Variants in CMIP observed in about 807,000 individuals in gnomAD.
The protein encoded by CMIP is c-Maf inducing protein, also known as C-Maf-inducing protein.
A neutral mutation model predicts 97.3 loss-of-function variants in CMIP; 13 were observed. That is an observed-to-expected ratio of 0.13 (90% confidence interval 0.09 to 0.21). CMIP has a LOEUF of 0.21. CMIP is among the 10% of genes least tolerant of loss of function. The pLI is 1.00. For synonymous variants in CMIP, 538 were observed against 436.3 expected (o/e 1.23, Z -2.91); for missense variants, 847 against 1,024.9 (o/e 0.83, Z 2.37).
chr16:81,584,351 A>G (rs1033085615), intron 1 of CMIP, among the ~76,000 whole-genome samples: 2 of 152,214 alleles, frequency 1.3e-5, no homozygotes, highest in Admixed American at 6.5e-5. Context: ...CACTCCGTAA[A>G]TATTTGATGA....
chr16:81,518,033 G>C, intron 1 of CMIP: 1 of 366,716 alleles, frequency 2.7e-6, no homozygotes, highest in South Asian at 1.1e-4. Flanking sequence ...ATGGTTAATT[G>C]TGTGTGTGTG....
At chr16:81,555,730 G>A (rs948492308) in intron 1 of CMIP, among the ~76,000 whole-genome samples, 10 of 152,160 alleles carry the variant, frequency 6.6e-5, no homozygotes, top group Admixed American at 1.3e-4. Context: ...AAGGAGAAAC[G>A]TCCCCACCTA....
intron 4 of CMIP, among the ~76,000 whole-genome samples, chr16:81,656,426 T>C (rs2092482721): frequency 6.6e-6 from 1 of 152,204 alleles, no homozygotes; most frequent in African/African-American, 2.4e-5. Context: ...TGTGGCTCTT[T>C]TAGGAAATAC....
chr16:81,620,420 C>G (rs187667559), intron 2 of CMIP: 59 of 156,588 alleles, frequency 3.8e-4, no homozygotes, highest in African/African-American at 1.4e-3. Flanking sequence ...TAGGTGCCAC[C>G]TCATAGGGCT....
At chr16:81,675,403 G>A (rs1226338472) in intron 9 of CMIP, among the ~76,000 whole-genome samples, 1 of 141,244 alleles carries the variant, frequency 7.1e-6, no homozygotes, top group African/African-American at 2.7e-5. Flanking sequence ...ATTTTTAGTA[G>A]AGATGGGGTT....
intron 18 of CMIP, 51 bp from the exon 19 acceptor site, chr16:81,705,448 C>T (rs1908023069): frequency 1.5e-6 from 2 of 1,329,842 alleles, no homozygotes; most frequent in African/African-American, 1.4e-5. Flanking sequence ...GCCTCAGAGT[C>T]ACTTCCCCAG....
intron 1 of CMIP, among the ~76,000 whole-genome samples, chr16:81,577,264 A>G (rs111171276): frequency 0.014 from 1,954 of 137,834 alleles, 9 homozygotes; most frequent in African/African-American, 0.042. Flanking sequence ...CACTATCACC[A>G]TCACCACCAT....
intron 9 of CMIP, among the ~76,000 whole-genome samples, chr16:81,672,514 G>C (rs2092692177): frequency 6.6e-6 from 1 of 152,168 alleles, no homozygotes; most frequent in African/African-American, 2.4e-5. Context: ...TGACAGTAAG[G>C]TTTATCCTGT....
intron 10 of CMIP, among the ~76,000 whole-genome samples, chr16:81,679,317 A>G (rs1346592802): frequency 6.6e-6 from 1 of 151,848 alleles, no homozygotes. Context: ...CACTTGGGCT[A>G]GTTTTGTGCA....
At chr16:81,642,810 C>T (rs946927017) in intron 3 of CMIP, among the ~76,000 whole-genome samples, 7 of 152,066 alleles carry the variant, frequency 4.6e-5, no homozygotes, top group South Asian at 2.1e-4. Flanking sequence ...GCAGGAGAAT[C>T]GCTTGAACCC....
At chr16:81,542,873 G>T (rs2090474435) in intron 1 of CMIP, among the ~76,000 whole-genome samples, 1 of 152,186 alleles carries the variant, frequency 6.6e-6, no homozygotes, top group Non-Finnish European at 1.5e-5. Flanking sequence ...ATTTCCGGGA[G>T]GCACAAACAT....
chr16:81,522,964 T>G (rs940523286), intron 1 of CMIP, among the ~76,000 whole-genome samples: 1 of 152,190 alleles, frequency 6.6e-6, no homozygotes, highest in Admixed American at 6.5e-5. Flanking sequence ...TCTCATTCTG[T>G]CACCCAGGCC....
At chr16:81,651,728 C>T (rs1418252065) in intron 3 of CMIP, among the ~76,000 whole-genome samples, 1 of 152,132 alleles carries the variant, frequency 6.6e-6, no homozygotes, top group Admixed American at 6.5e-5. Context: ...GAAGTCTCCC[C>T]CTTTTCTTTT....
chr16:81,481,170 T>C (rs1026857344), intron 1 of CMIP, among the ~76,000 whole-genome samples: 2 of 152,212 alleles, frequency 1.3e-5, no homozygotes, highest in African/African-American at 4.8e-5. Context: ...TGAGACCTGA[T>C]AGCTGGGCGC....
intron 1 of CMIP, among the ~76,000 whole-genome samples, chr16:81,476,728 G>T (rs929784719): frequency 5.3e-5 from 8 of 152,182 alleles, no homozygotes; most frequent in Non-Finnish European, 8.8e-5. Flanking sequence ...CTTCTAGATT[G>T]CTTCTAGATT....
At chr16:81,694,164 C>T (rs888260758) in intron 13 of CMIP, among the ~76,000 whole-genome samples, 5 of 152,180 alleles carry the variant, frequency 3.3e-5, no homozygotes, top group African/African-American at 9.7e-5. Flanking sequence ...CAGTGTTGCG[C>T]GGCTGGTCCA....
chr16:81,661,477 T>C (rs934095718), intron 6 of CMIP, among the ~76,000 whole-genome samples: 1 of 152,238 alleles, frequency 6.6e-6, no homozygotes, highest in African/African-American at 2.4e-5. Context: ...AAACCTGTTT[T>C]GTTCTTTGCT....
intron 1 of CMIP, among the ~76,000 whole-genome samples, chr16:81,589,154 T>C (rs1291618755): frequency 2.6e-5 from 4 of 152,100 alleles, no homozygotes; most frequent in Non-Finnish European, 5.9e-5. Context: ...TGCAGTGCAG[T>C]GGCGTGATCT....
chr16:81,586,411 G>A (rs1364656509), intron 1 of CMIP, among the ~76,000 whole-genome samples: 8 of 152,250 alleles, frequency 5.3e-5, no homozygotes, highest in Non-Finnish European at 8.8e-5. Context: ...CTTGTTTGTA[G>A]ACAGTAGCAA....
Sources: allele counts gnomAD v4.1 joint callset (sites outside exome capture counted in the v4.1 genomes callset), GRCh38; gene constraint gnomAD v4.1.1; transcripts MANE v1.5; gene names NCBI Gene and HGNC (gene_info 2026-07-23, HGNC 2026-07-21).